The following WWP1 variants were observed in gnomAD, a reference collection of about 807,000 sequenced individuals.
The protein encoded by WWP1 is NEDD4-like E3 ubiquitin-protein ligase WWP1.
Under a neutral mutation model 130.6 loss-of-function variants are expected in WWP1, and 49 were observed. The ratio of observed to expected loss-of-function variants is 0.38; its 90% CI spans 0.30 to 0.48. WWP1 has a LOEUF of 0.48. WWP1 is among the 20% of genes least tolerant of loss of function. The pLI, the probability that WWP1 is intolerant of heterozygous loss-of-function variation, is 0.99. For synonymous variants in WWP1, 332 were observed against 367.8 expected (o/e 0.90, Z 1.11); for missense variants, 809 against 1,100.6 (o/e 0.74, Z 3.75).
At chr8:86,347,208 G>A (rs56039487) in intron 1 of WWP1, among the ~76,000 whole-genome samples, 46,645 of 151,882 alleles carry the variant, frequency 0.31, 8,881 homozygotes, top group Middle Eastern at 0.45. Context: ...GGCTGGCCTC[G>A]AACTCCTGGA....
chr8:86,389,121 A>G (rs1209502209), intron 5 of WWP1, among the ~76,000 whole-genome samples: 1 of 151,984 alleles, frequency 6.6e-6, no homozygotes, highest in East Asian at 1.9e-4. Context: ...AGTTTTAGGA[A>G]GAGACATACA....
intron 1 of WWP1, 118 bp downstream of exon 1, chr8:86,343,048 C>G (rs1387318588): frequency 3.4e-6 from 1 of 296,952 alleles, no homozygotes; most frequent in Non-Finnish European, 6.2e-6. Flanking sequence ...GGGCTGGACC[C>G]TCCTAGGACC....
At chr8:86,377,380 A>G (rs1291814202) in intron 3 of WWP1, among the ~76,000 whole-genome samples, 1 of 151,812 alleles carries the variant, frequency 6.6e-6, no homozygotes, top group Non-Finnish European at 1.5e-5. Flanking sequence ...TTACAGGCTG[A>G]GCCACCACGC....
At chr8:86,345,123 A>G (rs1178513251) in intron 1 of WWP1, among the ~76,000 whole-genome samples, 1 of 152,154 alleles carries the variant, frequency 6.6e-6, no homozygotes, top group Admixed American at 6.5e-5. Flanking sequence ...AAAGGAAGAA[A>G]GGAAGTCGAA....
chr8:86,399,275 C>T (rs977554552), intron 7 of WWP1, among the ~76,000 whole-genome samples: 6 of 152,194 alleles, frequency 3.9e-5, no homozygotes, highest in Non-Finnish European at 5.9e-5. Context: ...AAATGCTTCA[C>T]AGATTGTGGC....
chr8:86,441,111 C>G (rs1228015271), intron 17 of WWP1, among the ~76,000 whole-genome samples: 1 of 152,146 alleles, frequency 6.6e-6, no homozygotes, highest in African/African-American at 2.4e-5. Context: ...CATGTTTTAG[C>G]CATTCTTCTT....
At position 86,402,512 on chromosome 8, in the gene WWP1, G is replaced by A. The variant is rs201652395; in HGVS notation, c.724+309G>A. Among the ~76,000 whole-genome samples, 13 of 152,196 alleles carry A rather than the reference G, an allele frequency of 8.5e-5. No homozygotes were observed. The East Asian group carries it at 1.4e-3, about 16-fold the overall frequency. The stretch of plus-strand genomic sequence containing the variant: ...ACTTTTTTGGCAACTGGCTGGTCTC[G>A]AACTCCTGACCTCAAGTGATCTGCC... On this transcript the variant is annotated intron_variant, in intron 8 of 24. Transcript: ENST00000517970.
At chr8:86,398,063 G>A (rs1807777071) in intron 5 of WWP1, among the ~76,000 whole-genome samples, 1 of 152,128 alleles carries the variant, frequency 6.6e-6, no homozygotes, top group African/African-American at 2.4e-5. Flanking sequence ...GTGGTACCTT[G>A]AGCTGAAAAG....
At chr8:86,466,685 ATATAG>A in intron 24 of WWP1, 104 bp from the exon 25 acceptor site, 2 of 639,068 alleles carry the variant, frequency 3.1e-6, no homozygotes, top group Non-Finnish European at 5.0e-6. Flanking sequence ...ATTTTAACAT[ATATAG>A]TATACATATA....
intron 3 of WWP1, among the ~76,000 whole-genome samples, chr8:86,375,969 G>A (rs1824626297): frequency 6.6e-6 from 1 of 152,128 alleles, no homozygotes. Context: ...ACACTGAAGT[G>A]GTATCTTAGT....
Position 86,461,862 on chromosome 8 carries a change from C to T in WWP1, c.2669+16C>T, listed in dbSNP as rs554332455. On this transcript the variant is annotated intron_variant, in intron 24 of 24. Coordinates refer to ENST00000517970, the MANE Select transcript of WWP1 (RefSeq NM_007013.4). Reference sequence around the variant, plus strand: ...GCCATACATGGTAAGTTCAAGAATCCTAAATACGAAGGTGAAAGCCACAGA... The same window carrying T: ...GCCATACATGGTAAGTTCAAGAATCTTAAATACGAAGGTGAAAGCCACAGA... 7 of 1,598,450 alleles carry T rather than the reference C, an allele frequency of 4.4e-6. No individual in the cohort carries two copies. Among genetic ancestry groups the T allele is most frequent in the South Asian group, 1.1e-5 (1 of 89,392 alleles).
At chr8:86,373,596 A>T (rs535882483) in intron 2 of WWP1, among the ~76,000 whole-genome samples, 8 of 152,200 alleles carry the variant, frequency 5.3e-5, no homozygotes, top group African/African-American at 1.9e-4. Context: ...TATAAATTTG[A>T]TTTTTAAGAT....
intron 9 of WWP1, among the ~76,000 whole-genome samples, chr8:86,414,890 T>TCCCCCCCCCCC (rs1222505171): frequency 5.3e-4 from 50 of 94,792 alleles, no homozygotes; most frequent in African/African-American, 6.7e-4. Context: ...CCCCCCCCCA[T>TCCCCCCCCCCC]CCCCCCACCC....
intron 1 of WWP1, among the ~76,000 whole-genome samples, chr8:86,366,822 TTACTC>T (rs1474276979): frequency 7.2e-5 from 11 of 152,208 alleles, no homozygotes; most frequent in African/African-American, 2.7e-4. Flanking sequence ...ACCCTCCTGT[TTACTC>T]TTTCATTTTA....
At chr8:86,369,322 A>C (rs1313195134) in intron 2 of WWP1, among the ~76,000 whole-genome samples, 1 of 152,126 alleles carries the variant, frequency 6.6e-6, no homozygotes, top group Non-Finnish European at 1.5e-5. Flanking sequence ...TGAAATTGAT[A>C]ATTTTATTTG....
At chr8:86,461,078 G>A in intron 22 of WWP1, 146 bp from the exon 23 acceptor site, 3 of 619,610 alleles carry the variant, frequency 4.8e-6, no homozygotes, top group Non-Finnish European at 8.1e-6. Context: ...CAAAATGCTG[G>A]GATTACAGGT....
chr8:86,448,779 C>T (rs1336156752), intron 20 of WWP1, among the ~76,000 whole-genome samples: 1 of 152,096 alleles, frequency 6.6e-6, no homozygotes, highest in East Asian at 1.9e-4. Flanking sequence ...TCTTGAAACT[C>T]AGTGTTTTCT....
chr8:86,383,638 A>G (rs997475200), intron 5 of WWP1, among the ~76,000 whole-genome samples: 1 of 152,146 alleles, frequency 6.6e-6, no homozygotes, highest in Non-Finnish European at 1.5e-5. Flanking sequence ...GCTACTCAGG[A>G]GGCTGAGGCA....
intron 1 of WWP1, 89 bp downstream of exon 1, chr8:86,343,019 C>G: frequency 3.3e-6 from 1 of 305,268 alleles, no homozygotes; most frequent in Non-Finnish European, 6.0e-6. Context: ...GTGCTGGGCG[C>G]CCGGCGCCGT....
Sources: allele counts gnomAD v4.1 joint callset (sites outside exome capture counted in the v4.1 genomes callset), GRCh38; gene constraint gnomAD v4.1.1; transcripts MANE v1.5; gene names NCBI Gene and HGNC (gene_info 2026-07-23, HGNC 2026-07-21).